The following TDRD5 variants were observed in gnomAD, a reference collection of about 807,000 sequenced individuals.
TDRD5 encodes the protein tudor domain containing 5, also known as tudor domain-containing protein 5.
Under a neutral mutation model 120.6 loss-of-function variants are expected in TDRD5, and 41 were observed. That is an observed-to-expected ratio of 0.34 (90% confidence interval 0.26 to 0.44). TDRD5 has a LOEUF of 0.44. Among genes scored for constraint, TDRD5 ranks in the 20% least tolerant of loss-of-function variants. The probability of loss-of-function intolerance (pLI) is 1.00; values close to 1 mark genes in which losing one functional copy is unlikely to be tolerated. For synonymous variants in TDRD5, 430 were observed against 433.7 expected, an observed-to-expected ratio of 0.99 and a Z score of 0.11; for missense variants, 1,006 against 1,221.2, an observed-to-expected ratio of 0.82 and a Z score of 2.63.
intron 11 of TDRD5, among the ~76,000 whole-genome samples, chr1:179,645,767 C>T (rs1678324711): frequency 1.3e-5 from 2 of 152,032 alleles, no homozygotes; most frequent in South Asian, 4.1e-4. Flanking sequence ...TTATTAGGTA[C>T]ATATACAATA....
chr1:179,676,449 T>C (rs1311275919), intron 17 of TDRD5, among the ~76,000 whole-genome samples: 2 of 152,344 alleles, frequency 1.3e-5, no homozygotes, highest in Admixed American at 6.5e-5. Context: ...ACGTAGGTCC[T>C]GTGAGATTTA....
chr1:179,633,189 A>G (rs1184815721), intron 7 of TDRD5, among the ~76,000 whole-genome samples: 2 of 152,146 alleles, frequency 1.3e-5, no homozygotes, highest in Non-Finnish European at 2.9e-5. Context: ...TTGAAGTTAT[A>G]TATAATAATA....
At chr1:179,611,064 C>CTTT (rs752583547) in intron 4 of TDRD5, among the ~76,000 whole-genome samples, 1 of 144,976 alleles carries the variant, frequency 6.9e-6, no homozygotes. Flanking sequence ...TGTTGTGATA[C>CTTT]TTTTTTTTTT....
rs1223326933 is a variant in TDRD5, at chr1:179,654,232, A to G, written c.2192A>G (p.His731Arg). The part of the protein sequence containing the change: ...QDINDEKSLS[H>R]LKSESKEPLK... Reference sequence around the variant, plus strand: ...ATTAATGATGAAAAGTCTTTAAGTCATCTTAAATCTGAGTCAAAGGAGCCA... The same window carrying G: ...ATTAATGATGAAAAGTCTTTAAGTCGTCTTAAATCTGAGTCAAAGGAGCCA... Residue 731 changes from histidine to arginine, a missense_variant, in exon 14 of 18, where the codon CAT becomes CGT. Around this residue, in one of 3 missense-constraint regions of TDRD5, gnomAD observed 403 missense variants for 448.1 expected, o/e 0.90. Coordinates refer to ENST00000444136, the MANE Select transcript of TDRD5 (RefSeq NM_001199085.3). The G allele has an allele frequency of 3.9e-6, 6 of 1,546,528 alleles. No individual in the cohort carries two copies. In the South Asian group the frequency reaches 7.2e-5, roughly 19 times the overall value.
At chr1:179,656,077 A>G (rs763067457) in intron 14 of TDRD5, among the ~76,000 whole-genome samples, 2 of 152,206 alleles carry the variant, frequency 1.3e-5, no homozygotes, top group Non-Finnish European at 2.9e-5. Context: ...TATGAGTTCC[A>G]GTTGCTCCAT....
chr1:179,597,417 C>T (rs528088427), intron 4 of TDRD5, among the ~76,000 whole-genome samples: 24 of 150,350 alleles, frequency 1.6e-4, no homozygotes, highest in African/African-American at 4.7e-4. Flanking sequence ...CTGCAACTTC[C>T]GTCTCCCGGG....
At chr1:179,668,675 T>G (rs1480958877) in intron 16 of TDRD5, among the ~76,000 whole-genome samples, 2 of 152,098 alleles carry the variant, frequency 1.3e-5, no homozygotes, top group Non-Finnish European at 2.9e-5. Flanking sequence ...CATAAATGTT[T>G]CTTGAATTGA....
chr1:179,672,466 TG>T lies in TDRD5; in HGVS notation c.2860+3063del, dbSNP rs760452462. Reference sequence around the variant, plus strand: ...TTGGGATTGTTTCATTTTTTCTTGCTGAGTTCTTTGTAGATTTTTGGATATT... The same window carrying T: ...TTGGGATTGTTTCATTTTTTCTTGCTAGTTCTTTGTAGATTTTTGGATATT... On this transcript the variant is annotated intron_variant, in intron 17 of 17. Coordinates refer to ENST00000444136, the MANE Select transcript of TDRD5 (RefSeq NM_001199085.3). Among the ~76,000 whole-genome samples the T allele has an allele frequency of 7.3e-4, 111 of 152,172 alleles. 1 individual carries two copies. The highest frequency in any genetic ancestry group is 2.8e-4 in the Non-Finnish European group (19 of 68,024).
chr1:179,672,656 A>G (rs1679916615), intron 17 of TDRD5, among the ~76,000 whole-genome samples: 1 of 152,182 alleles, frequency 6.6e-6, no homozygotes, highest in Non-Finnish European at 1.5e-5. Flanking sequence ...GTTCTTGATC[A>G]TGAATTATTT....
intron 4 of TDRD5, among the ~76,000 whole-genome samples, chr1:179,605,372 G>A (rs770775172): frequency 9.2e-5 from 14 of 152,072 alleles, no homozygotes; most frequent in Admixed American, 6.6e-5. Context: ...ATTTGCATTC[G>A]ATGTTAGTTT....
At chr1:179,601,544 T>A (rs1284799051) in intron 4 of TDRD5, among the ~76,000 whole-genome samples, 2 of 152,194 alleles carry the variant, frequency 1.3e-5, no homozygotes, top group Non-Finnish European at 2.9e-5. Context: ...GTTACTTCAC[T>A]CAGAATAATA....
At chr1:179,624,655 G>A (rs78563440) in intron 6 of TDRD5, among the ~76,000 whole-genome samples, 7,153 of 152,038 alleles carry the variant, frequency 0.047, 255 homozygotes, top group Non-Finnish European at 0.069. Flanking sequence ...TTATTATATC[G>A]TCAAATTACT....
At chr1:179,630,491 C>T (rs1677375129) in intron 6 of TDRD5, among the ~76,000 whole-genome samples, 2 of 152,024 alleles carry the variant, frequency 1.3e-5, no homozygotes, top group Admixed American at 1.3e-4. Flanking sequence ...TATATTCAGA[C>T]ATTGTTAAAA....
rs867960247 is a variant in TDRD5 at position 179,628,330 on chromosome 1, T to C, written c.973-2437T>C. Among the ~76,000 whole-genome samples the C allele has an allele frequency of 9.9e-3, 1,141 of 115,158 alleles. 11 individuals are homozygous for C. Among genetic ancestry groups the C allele is most frequent in the African/African-American group, 0.035 (1,032 of 29,342 alleles). The allele number at this position is 115,158 out of a possible 152,430, so 75.5% of individuals were successfully genotyped here. A position where few individuals can be genotyped will look rare whatever the true frequency, so the allele number is the denominator to read the frequency against. ...ATTTCTTTTCTTTTCTTTTCTTTTT[T>C]TTTTTTTTTTTTTTTTTTTTAAGAC... On this transcript the variant is annotated intron_variant, in intron 6 of 17. Transcript: ENST00000444136.
chr1:179,663,592 G>A (rs7513095), intron 16 of TDRD5, 101 bp downstream of exon 16: 662,424 of 1,430,806 alleles, frequency 0.46, 154,309 homozygotes, highest in Admixed American at 0.49. Context: ...GATATTGCCT[G>A]TCTCTTAACA....
chr1:179,616,831 G>A (rs1004822790), intron 4 of TDRD5, among the ~76,000 whole-genome samples: 5 of 152,200 alleles, frequency 3.3e-5, no homozygotes, highest in East Asian at 1.9e-4. Context: ...ATGTTTATGC[G>A]TTGATCTCAC....
intron 1 of TDRD5, 88 bp from the exon 2 acceptor site, chr1:179,592,514 T>A: frequency 9.5e-7 from 1 of 1,051,158 alleles, no homozygotes; most frequent in Non-Finnish European, 1.4e-6. Flanking sequence ...AACTGGAGTC[T>A]CAGTTATTTG....
intron 14 of TDRD5, among the ~76,000 whole-genome samples, chr1:179,654,619 A>T (rs1376712194): frequency 2.6e-5 from 4 of 152,126 alleles, no homozygotes; most frequent in African/African-American, 9.7e-5. Flanking sequence ...ACCAAAAAAA[A>T]TTAGCCAGCC....
Position 179,648,336 on chromosome 1 carries a change from C to T in TDRD5, c.1801-2531C>T, listed in dbSNP as rs1678508285. On this transcript the variant is annotated intron_variant, in intron 11 of 17. Transcript: ENST00000444136. ...ATTGGAAATCATCATTCTCAGTAAACTATCGCAAGAACAGAAAACCAAACA... is the reference window on the plus strand; with the variant it reads ...ATTGGAAATCATCATTCTCAGTAAATTATCGCAAGAACAGAAAACCAAACA... Among the ~76,000 whole-genome samples the T allele has an allele frequency of 2.1e-5, 3 of 143,458 alleles. No homozygotes were observed. The South Asian group carries it at 7.0e-4, about 34-fold the overall frequency. The allele number at this position is 143,458 out of a possible 152,430, so 94.1% of individuals were successfully genotyped here.
Sources: allele counts gnomAD v4.1 joint callset (sites outside exome capture counted in the v4.1 genomes callset), GRCh38; gene constraint gnomAD v4.1.1; regional missense constraint gnomAD v4.1.1; transcripts MANE v1.5; gene names NCBI Gene and HGNC (gene_info 2026-07-23, HGNC 2026-07-21).